CYFIP1: variants seen among roughly 807,000 people sequenced by gnomAD.
The protein encoded by CYFIP1 is cytoplasmic FMR1-interacting protein 1.
CYFIP1 carries 58 observed loss-of-function variants against 163.5 expected under a neutral mutation model. The observed-to-expected ratio is 0.35, with a 90% CI of 0.29 to 0.44. The LOEUF is 0.44. CYFIP1 is among the 20% of genes least tolerant of loss of function. The probability of loss-of-function intolerance (pLI) is 1.00; values close to 1 mark genes in which losing one functional copy is unlikely to be tolerated. For missense variants in CYFIP1, 1,338 were observed against 1,653.8 expected (o/e 0.81, Z 3.31); for synonymous variants, 663 against 660.7 (o/e 1.00, Z -0.05).
chr15:22,924,841 G>A (rs2061306743), intron 13 of CYFIP1, among the ~76,000 whole-genome samples: 1 of 152,136 alleles, frequency 6.6e-6, no homozygotes, highest in Admixed American at 6.5e-5. Context: ...GGAGGCTGAG[G>A]CGGGTGGATT....
At chr15:22,871,542 A>G (rs553176595) in intron 30 of CYFIP1, among the ~76,000 whole-genome samples, 3 of 152,340 alleles carry the variant, frequency 2.0e-5, no homozygotes, top group East Asian at 3.9e-4. Flanking sequence ...AGAGAGGCCC[A>G]TGACCTGGAG....
intron 1 of CYFIP1, among the ~76,000 whole-genome samples, chr15:22,964,845 T>G (rs968482200): frequency 1.3e-5 from 2 of 151,988 alleles, no homozygotes; most frequent in African/African-American, 4.8e-5. Context: ...CCCAGATGGG[T>G]TATTTGCAGC....
At chr15:22,956,482 G>C (rs981182212) in intron 1 of CYFIP1, among the ~76,000 whole-genome samples, 6 of 152,188 alleles carry the variant, frequency 3.9e-5, no homozygotes, top group Admixed American at 3.9e-4. Context: ...AAAAAAGTTT[G>C]TATGTGTGAG....
chr15:22,953,098 A>T (rs137884348), intron 1 of CYFIP1, among the ~76,000 whole-genome samples: 1 of 152,328 alleles, frequency 6.6e-6, no homozygotes, highest in Non-Finnish European at 1.5e-5. Context: ...TGCATCTTCC[A>T]TAGATGCGAA....
At chr15:22,977,870 GAAAAC>G (rs979369977) in intron 1 of CYFIP1, among the ~76,000 whole-genome samples, 1 of 151,890 alleles carries the variant, frequency 6.6e-6, no homozygotes, top group Non-Finnish European at 1.5e-5. Context: ...TAAAAGAAAA[GAAAAC>G]AAAGGAGGGA....
intron 10 of CYFIP1, among the ~76,000 whole-genome samples, chr15:22,933,351 G>C (rs1457498901): frequency 1.4e-5 from 2 of 147,334 alleles, no homozygotes; most frequent in African/African-American, 5.0e-5. Context: ...GTCTTGCTCT[G>C]TCGCCCAGGT....
At chr15:22,920,971 G>T (rs556749302) in intron 13 of CYFIP1, among the ~76,000 whole-genome samples, 3 of 152,244 alleles carry the variant, frequency 2.0e-5, no homozygotes, top group Admixed American at 2.0e-4. Context: ...AGCTTTAGAT[G>T]CACGCATTAG....
At chr15:22,956,340 G>C (rs1466699368) in intron 1 of CYFIP1, among the ~76,000 whole-genome samples, 1 of 152,044 alleles carries the variant, frequency 6.6e-6, no homozygotes, top group Non-Finnish European at 1.5e-5. Flanking sequence ...CTGAGTCCTG[G>C]CATAACTCAA....
chr15:22,970,508 A>G (rs1010773582), intron 1 of CYFIP1, among the ~76,000 whole-genome samples: 3 of 152,228 alleles, frequency 2.0e-5, no homozygotes, highest in Non-Finnish European at 4.4e-5. Flanking sequence ...AGATGAACAA[A>G]GTTGGAGACT....
intron 25 of CYFIP1, among the ~76,000 whole-genome samples, chr15:22,880,737 G>C (rs2141874820): frequency 6.6e-6 from 1 of 152,308 alleles, no homozygotes; most frequent in East Asian, 1.9e-4. Flanking sequence ...CCTTGTCCCA[G>C]CAGGTCTTGC....
intron 11 of CYFIP1, among the ~76,000 whole-genome samples, chr15:22,931,515 G>A (rs2061534598): frequency 6.6e-6 from 1 of 151,858 alleles, no homozygotes; most frequent in South Asian, 2.1e-4. Flanking sequence ...TTCCCTTCTA[G>A]GCTTACAGGG....
intron 1 of CYFIP1, among the ~76,000 whole-genome samples, chr15:22,962,365 C>A (rs1360477151): frequency 6.6e-6 from 1 of 151,924 alleles, no homozygotes; most frequent in Non-Finnish European, 1.5e-5. Context: ...CTTTCTTCTG[C>A]ATAAACTGTA....
intron 26 of CYFIP1, among the ~76,000 whole-genome samples, chr15:22,878,524 A>G (rs2059650825): frequency 6.6e-6 from 1 of 152,094 alleles, no homozygotes; most frequent in Non-Finnish European, 1.5e-5. Flanking sequence ...CATTATACAC[A>G]AAGACCAACT....
At chr15:22,872,638 T>C (rs2059470150) in intron 30 of CYFIP1, 187 bp downstream of exon 30, 4 of 592,346 alleles carry the variant, frequency 6.8e-6, no homozygotes, top group Middle Eastern at 4.6e-4. Flanking sequence ...CAATGAGTAT[T>C]TTCTCTGCCA....
intron 1 of CYFIP1, among the ~76,000 whole-genome samples, chr15:22,964,346 T>C (rs1261464371): frequency 1.4e-4 from 5 of 36,626 alleles, no homozygotes; most frequent in Admixed American, 7.0e-4. Context: ...CTCCGCAACC[T>C]CATCACTCAC....
At chr15:22,875,319 A>G (rs367706677) in intron 26 of CYFIP1, 48 bp from the exon 27 acceptor site, 30 of 1,545,220 alleles carry the variant, frequency 1.9e-5, no homozygotes, top group Non-Finnish European at 2.6e-5. Flanking sequence ...ATCTCGCCAG[A>G]GAGCAATCTG....
chr15:22,966,812 G>A (rs1195414672), intron 1 of CYFIP1, among the ~76,000 whole-genome samples: 1 of 151,804 alleles, frequency 6.6e-6, no homozygotes, highest in Non-Finnish European at 1.5e-5. Context: ...CCCACGATGA[G>A]CAGCAGACAC....
intron 1 of CYFIP1, among the ~76,000 whole-genome samples, chr15:22,950,514 G>A (rs375166151): frequency 3.1e-4 from 47 of 150,600 alleles, no homozygotes; most frequent in Non-Finnish European, 4.4e-4. Flanking sequence ...GCTGGAAGAA[G>A]AAATGCCATA....
chr15:22,937,769 T>A (rs910896385), intron 8 of CYFIP1, among the ~76,000 whole-genome samples: 1 of 151,718 alleles, frequency 6.6e-6, no homozygotes, highest in Non-Finnish European at 1.5e-5. Flanking sequence ...GCCTGGCTAA[T>A]TTTTTTTGTA....
Sources: gnomAD v4.1 joint callset for allele counts (sites outside exome capture counted in the v4.1 genomes callset) on GRCh38, gnomAD v4.1.1 for gene constraint, MANE v1.5 for transcripts, NCBI Gene and HGNC (gene_info 2026-07-23, HGNC 2026-07-21) for gene names.